Variants in TXNDC16 observed in about 807,000 individuals in gnomAD.
TXNDC16 encodes thioredoxin domain-containing protein 16.
A neutral mutation model predicts 85.6 loss-of-function variants in TXNDC16; 74 were observed. The observed-to-expected ratio is 0.86, with a 90% CI of 0.72 to 1.05. The LOEUF is 1.05. TXNDC16 is among the 50% of genes least tolerant of loss of function. The pLI is 0.00. For synonymous variants in TXNDC16, 335 were observed against 326.5 expected (o/e 1.03, Z -0.28); for missense variants, 959 against 947.0 (o/e 1.01, Z -0.17).
chr14:52,466,618 G>A (rs932354374), intron 16 of TXNDC16, among the ~76,000 whole-genome samples: 1 of 151,920 alleles, frequency 6.6e-6, no homozygotes, highest in African/African-American at 2.4e-5. Context: ...TGTAATCCCA[G>A]CACTTTGGGA....
rs1210004716 is a variant in TXNDC16 at position 52,530,435 on chromosome 14, A to AT, written c.392+6283dup. Among the ~76,000 whole-genome samples the AT allele has an allele frequency of 4.2e-3, 67 of 16,050 alleles. 11 individuals are homozygous for AT. The highest frequency in any genetic ancestry group is 0.025 in the African/African-American group (63 of 2,542). 10.5% of individuals were successfully genotyped at this position (16,050 alleles called of 152,430 possible). A position where few individuals can be genotyped will look rare whatever the true frequency, so the allele number is the denominator to read the frequency against. ...ATTATATAATATTATATATAATAATATATAATATATTATTATATAATAATA... is the reference window on the plus strand; with the variant it reads ...ATTATATAATATTATATATAATAATATTATAATATATTATTATATAATAATA... On this transcript the variant is annotated intron_variant, in intron 6 of 20. Coordinates refer to ENST00000281741, the MANE Select transcript of TXNDC16 (RefSeq NM_020784.3).
intron 11 of TXNDC16, among the ~76,000 whole-genome samples, chr14:52,489,345 T>C (rs1314366521): frequency 6.6e-6 from 1 of 152,204 alleles, no homozygotes; most frequent in African/African-American, 2.4e-5. Flanking sequence ...ATTTCACTAT[T>C]GCCCAACTGT....
chr14:52,492,474 T>A (rs760972031), intron 9 of TXNDC16, among the ~76,000 whole-genome samples: 1 of 152,144 alleles, frequency 6.6e-6, no homozygotes, highest in Non-Finnish European at 1.5e-5. Context: ...CCTTCCACCA[T>A]AGATGTCTCC....
chr14:52,535,753 T>C (rs2037685557), intron 6 of TXNDC16, among the ~76,000 whole-genome samples: 1 of 152,088 alleles, frequency 6.6e-6, no homozygotes, highest in Non-Finnish European at 1.5e-5. Flanking sequence ...CAGTAAACAC[T>C]GAGGTATGTG....
intron 6 of TXNDC16, among the ~76,000 whole-genome samples, chr14:52,523,993 T>C (rs1196985260): frequency 6.6e-6 from 1 of 152,192 alleles, no homozygotes; most frequent in African/African-American, 2.4e-5. Flanking sequence ...GGAATTCAAA[T>C]CCAAGAAAAG....
intron 6 of TXNDC16, among the ~76,000 whole-genome samples, chr14:52,527,558 G>C (rs55830080): frequency 0.12 from 17,563 of 152,194 alleles, 1,233 homozygotes; most frequent in South Asian, 0.28. Context: ...CAGAGAGGAA[G>C]AGTAAGTGTG....
At chr14:52,541,190 T>G (rs1283958432) in intron 4 of TXNDC16, among the ~76,000 whole-genome samples, 1 of 151,490 alleles carries the variant, frequency 6.6e-6, no homozygotes, top group Non-Finnish European at 1.5e-5. Context: ...GAGCCGAGAT[T>G]GTCCCATTGC....
At chr14:52,465,575 G>C (rs1566542182) in intron 16 of TXNDC16, among the ~76,000 whole-genome samples, 1 of 141,366 alleles carries the variant, frequency 7.1e-6, no homozygotes, top group African/African-American at 2.7e-5. Flanking sequence ...CTGGGCGACA[G>C]AGCAAGACTC....
intron 14 of TXNDC16, among the ~76,000 whole-genome samples, chr14:52,476,233 C>T (rs923125155): frequency 1.3e-5 from 2 of 152,130 alleles, no homozygotes; most frequent in African/African-American, 4.8e-5. Flanking sequence ...TGAGAAGGAA[C>T]CAGAAAACCA....
intron 8 of TXNDC16, among the ~76,000 whole-genome samples, chr14:52,513,788 A>G (rs1303776937): frequency 6.6e-6 from 1 of 152,000 alleles, no homozygotes; most frequent in Non-Finnish European, 1.5e-5. Context: ...TTTATGTTTT[A>G]ATATCACTAT....
chr14:52,541,574 AAT>A (rs1445100884), intron 4 of TXNDC16, among the ~76,000 whole-genome samples: 1 of 152,232 alleles, frequency 6.6e-6, no homozygotes, highest in Admixed American at 6.5e-5. Context: ...AATGTTAGTC[AAT>A]GTTTCTATGC....
intron 6 of TXNDC16, among the ~76,000 whole-genome samples, chr14:52,527,027 T>C (rs1408983278): frequency 1.3e-5 from 2 of 152,236 alleles, no homozygotes; most frequent in East Asian, 3.8e-4. Context: ...CCCCTTTCCA[T>C]GTGCCCTGCC....
At chr14:52,469,260 T>C (rs2035847020) in intron 16 of TXNDC16, among the ~76,000 whole-genome samples, 1 of 151,526 alleles carries the variant, frequency 6.6e-6, no homozygotes, top group South Asian at 2.1e-4. Flanking sequence ...GATGGGAGGA[T>C]TGCTTGAGCC....
At chr14:52,507,168 T>A (rs929702048) in intron 9 of TXNDC16, among the ~76,000 whole-genome samples, 6 of 152,094 alleles carry the variant, frequency 3.9e-5, no homozygotes, top group South Asian at 2.1e-4. Context: ...GAAAACCCCA[T>A]TGTCTCAGCC....
At position 52,431,114 on chromosome 14, in the gene TXNDC16, G is replaced by C. The variant is rs1468255299; in HGVS notation, c.*1190C>G. On this transcript the variant is annotated 3_prime_UTR_variant, in exon 21 of 21. Coordinates refer to ENST00000281741, the MANE Select transcript of TXNDC16 (RefSeq NM_020784.3). ...ATGAGACAAACAACTGCTACAAACA[G>C]ATCAGTCTAACAGCTAAGTGATTTG... 6.6e-6 allele frequency: 1 copy of C among 152,190 alleles called. No homozygotes were observed. Among genetic ancestry groups the C allele is most frequent in the Admixed American group, 6.5e-5 (1 of 15,286 alleles). 9.4% of individuals were successfully genotyped at this position (152,190 alleles called of 1,614,324 possible).
At chr14:52,449,523 T>G (rs1023095034) in intron 18 of TXNDC16, among the ~76,000 whole-genome samples, 3 of 152,122 alleles carry the variant, frequency 2.0e-5, no homozygotes, top group African/African-American at 7.2e-5. Flanking sequence ...CAACCCACTT[T>G]CAGCAATGGA....
At chr14:52,492,055 T>A (rs544422739) in intron 9 of TXNDC16, among the ~76,000 whole-genome samples, 2 of 152,314 alleles carry the variant, frequency 1.3e-5, no homozygotes, top group African/African-American at 4.8e-5. Context: ...GTGTCAAAGC[T>A]TTTGAGAGGT....
chr14:52,542,845 A>T (rs1411685694), intron 3 of TXNDC16, among the ~76,000 whole-genome samples: 3 of 152,196 alleles, frequency 2.0e-5, no homozygotes, highest in African/African-American at 7.2e-5. Flanking sequence ...GCCAACAGAA[A>T]TGTGTATACT....
At chr14:52,531,576 T>C (rs943627458) in intron 6 of TXNDC16, among the ~76,000 whole-genome samples, 4 of 152,190 alleles carry the variant, frequency 2.6e-5, no homozygotes, top group Non-Finnish European at 4.4e-5. Context: ...GGCTACATGC[T>C]ATATGATTCC....
Sources: allele counts gnomAD v4.1 joint callset (sites outside exome capture counted in the v4.1 genomes callset), GRCh38; gene constraint gnomAD v4.1.1; transcripts MANE v1.5; gene names NCBI Gene and HGNC (gene_info 2026-07-23, HGNC 2026-07-21).